The following TENM2 variants were observed in gnomAD, a reference collection of about 807,000 sequenced individuals.
TENM2 encodes teneurin transmembrane protein 2, also known as teneurin-2.
In TENM2, 52 loss-of-function variants were observed where a neutral mutation model predicts 245.2. That is an observed-to-expected ratio of 0.21 (90% CI 0.17 to 0.27). The LOEUF (loss-of-function observed/expected upper bound fraction) is 0.27. Among genes scored for constraint, TENM2 ranks in the 10% least tolerant of loss-of-function variants. The pLI is 1.00. For synonymous variants in TENM2, 1,363 were observed against 1,438.9 expected (o/e 0.95, Z 1.19); for missense variants, 3,046 against 3,666.8 (o/e 0.83, Z 4.37).
intron 2 of TENM2, among the ~76,000 whole-genome samples, chr5:167,451,973 T>G (rs556777472): frequency 6.0e-4 from 92 of 152,180 alleles, no homozygotes; most frequent in Admixed American, 1.3e-3. Context: ...AAAAAGGTGG[T>G]GGTGAGTGAA....
the TENM2 span, among the ~76,000 whole-genome samples, chr5:167,016,618 G>A: frequency 6.6e-6 from 1 of 152,306 alleles, no homozygotes; most frequent in African/African-American, 2.4e-5. Context: ...CCTTAAAAAA[G>A]AAGGAAATTC....
chr5:168,257,365 A>G (rs914362721), intron 27 of TENM2, among the ~76,000 whole-genome samples: 1 of 152,134 alleles, frequency 6.6e-6, no homozygotes, highest in East Asian at 1.9e-4. Flanking sequence ...AGAGAGGCAG[A>G]GGATACGTTT....
At chr5:167,496,193 G>A (rs920250069) in intron 2 of TENM2, among the ~76,000 whole-genome samples, 29 of 152,062 alleles carry the variant, frequency 1.9e-4, no homozygotes, top group African/African-American at 6.0e-4. Context: ...TCCATTGCTT[G>A]AATTATTCGC....
the TENM2 span, among the ~76,000 whole-genome samples, chr5:167,052,663 A>G: frequency 6.6e-6 from 1 of 152,206 alleles, no homozygotes. Flanking sequence ...CTGAATTATC[A>G]GGCTTTGAAA....
rs539179307 is a variant in TENM2, at chr5:168,171,706, CT to C, written c.2569+8950del. On this transcript the variant is annotated intron_variant, in intron 13 of 28. Coordinates refer to ENST00000518659, the Ensembl canonical transcript of TENM2. Reference sequence around the variant, plus strand: ...CTTAAGGGATTATGTTTTTTTCCCCCTGATTAGATGACAAATCAAATATCCA... The same window carrying C: ...CTTAAGGGATTATGTTTTTTTCCCCCGATTAGATGACAAATCAAATATCCA... Among the ~76,000 whole-genome samples the C allele has an allele frequency of 1.3e-4, 20 of 152,184 alleles. No individual in the cohort carries two copies. In the South Asian group the frequency reaches 1.5e-3, roughly 11 times the overall value.
chr5:167,938,543 A>T (rs999485750), intron 3 of TENM2: 1 of 152,228 alleles, frequency 6.6e-6, no homozygotes, highest in Admixed American at 6.5e-5. Context: ...TCAGCATAGG[A>T]CATGTCTCTT....
intron 2 of TENM2, among the ~76,000 whole-genome samples, chr5:167,782,912 A>C (rs775206023): frequency 6.6e-6 from 1 of 152,224 alleles, no homozygotes; most frequent in Non-Finnish European, 1.5e-5. Context: ...CCAGCTCAGC[A>C]GCCAGGTTAT....
intron 2 of TENM2, among the ~76,000 whole-genome samples, chr5:167,433,298 C>A (rs1172592558): frequency 6.6e-6 from 1 of 151,994 alleles, no homozygotes; most frequent in Non-Finnish European, 1.5e-5. Flanking sequence ...GAGTTCTCTA[C>A]TCAGTATATT....
intron 2 of TENM2, among the ~76,000 whole-genome samples, chr5:167,468,054 A>G (rs1358941278): frequency 6.6e-6 from 1 of 152,100 alleles, no homozygotes; most frequent in African/African-American, 2.4e-5. Context: ...CTCCTGCTTC[A>G]GCCTCCTGAG....
intron 13 of TENM2, among the ~76,000 whole-genome samples, chr5:168,175,963 C>T (rs1759320345): frequency 6.6e-6 from 1 of 152,218 alleles, no homozygotes. Flanking sequence ...CACCGTCTGC[C>T]AGGGAGGCCA....
At chr5:167,318,893 G>T (rs1327092176) in intron 1 of TENM2, among the ~76,000 whole-genome samples, 2 of 152,164 alleles carry the variant, frequency 1.3e-5, no homozygotes, top group African/African-American at 4.8e-5. Context: ...TTTTGAGACT[G>T]TCAGCTTAGA....
the TENM2 span, among the ~76,000 whole-genome samples, chr5:167,064,098 A>T: frequency 8.5e-5 from 13 of 152,188 alleles, no homozygotes; most frequent in Non-Finnish European, 1.8e-4. Context: ...GTTAATGTAC[A>T]GACCTAATAT....
intron 1 of TENM2, among the ~76,000 whole-genome samples, chr5:167,356,640 T>C (rs1244802836): frequency 1.3e-5 from 2 of 152,012 alleles, no homozygotes; most frequent in Non-Finnish European, 2.9e-5. Flanking sequence ...TGCAGGGGAG[T>C]ACACTGTTTG....
chr5:167,710,575 G>A (rs1291005468), intron 2 of TENM2, among the ~76,000 whole-genome samples: 3 of 152,226 alleles, frequency 2.0e-5, no homozygotes, highest in Non-Finnish European at 2.9e-5. Flanking sequence ...GTGTGACAAT[G>A]AGAAATAGTA....
chr5:167,174,311 T>C, the TENM2 span, among the ~76,000 whole-genome samples: 9 of 152,208 alleles, frequency 5.9e-5, no homozygotes, highest in Non-Finnish European at 1.3e-4. Flanking sequence ...TGCACTTATG[T>C]AGGCATGAAG....
chr5:167,967,690 A>T lies in TENM2; in HGVS notation c.947+14868A>T, dbSNP rs148594614. On this transcript the variant is annotated intron_variant, in intron 4 of 28. Coordinates refer to ENST00000518659, the Ensembl canonical transcript of TENM2. The stretch of plus-strand genomic sequence containing the variant: ...CGTGGGGACCCAATTACAAATTGAG[A>T]CCACCCTGTGGTCATGCATTGTAAG... Among the ~76,000 whole-genome samples, 1,426 of 152,348 alleles carry T rather than the reference A, an allele frequency of 9.4e-3. 9 individuals carry two copies. Among genetic ancestry groups the T allele is most frequent in the Middle Eastern group, 0.027 (8 of 294 alleles).
intron 5 of TENM2, among the ~76,000 whole-genome samples, chr5:168,006,447 G>A (rs555448493): frequency 4.6e-5 from 7 of 152,270 alleles, no homozygotes; most frequent in African/African-American, 1.4e-4. Flanking sequence ...TAATGCCTTC[G>A]AATGCACATT....
chr5:168,156,713 AC>A (rs1485924737), intron 12 of TENM2, among the ~76,000 whole-genome samples: 4 of 151,246 alleles, frequency 2.6e-5, no homozygotes, highest in Non-Finnish European at 5.9e-5. Context: ...GTGTGGACAG[AC>A]TTTTTTTTTT....
intron 6 of TENM2, among the ~76,000 whole-genome samples, chr5:168,060,791 G>C (rs1353914015): frequency 1.3e-5 from 2 of 152,152 alleles, no homozygotes; most frequent in Non-Finnish European, 1.5e-5. Flanking sequence ...GAGACCAAAA[G>C]TGTCATCTCT....
Sources: allele counts gnomAD v4.1 joint callset (sites outside exome capture counted in the v4.1 genomes callset), GRCh38; gene constraint gnomAD v4.1.1; transcripts MANE v1.5; gene names NCBI Gene and HGNC (gene_info 2026-07-23, HGNC 2026-07-21).